TMEM178A: variants seen among roughly 807,000 people sequenced by gnomAD.
TMEM178A encodes the protein transmembrane protein 178.
In TMEM178A, 12 loss-of-function variants were observed where a neutral mutation model predicts 29.1. The ratio of observed to expected loss-of-function variants is 0.41; its 90% confidence interval spans 0.26 to 0.67. TMEM178A has a LOEUF of 0.67. Ranked by LOEUF, TMEM178A falls within the 30% of genes least tolerant of loss-of-function variation. The pLI is 0.29. For synonymous variants in TMEM178A, 210 were observed against 187.2 expected (o/e 1.12, Z -0.99); for missense variants, 366 against 419.1 (o/e 0.87, Z 1.11).
chr2:39,729,914 G>T, the TMEM178A span, among the ~76,000 whole-genome samples: 1 of 152,076 alleles, frequency 6.6e-6, no homozygotes, highest in Admixed American at 6.6e-5. Context: ...GCTCAACAGT[G>T]CATCCTTGGA....
chr2:39,675,998 T>C (rs1670608136), intron 1 of TMEM178A, among the ~76,000 whole-genome samples: 2 of 152,096 alleles, frequency 1.3e-5, no homozygotes, highest in South Asian at 2.1e-4. Flanking sequence ...GTCGACCAGG[T>C]TGGTGTCAAA....
the TMEM178A span, among the ~76,000 whole-genome samples, chr2:39,729,084 A>G: frequency 1.3e-5 from 2 of 152,160 alleles, no homozygotes; most frequent in African/African-American, 2.4e-5. Flanking sequence ...CAGAAAAGGA[A>G]TTCATTAAAA....
downstream of TMEM178A, among the ~76,000 whole-genome samples, chr2:39,720,114 G>T (rs1455000815): frequency 6.6e-6 from 1 of 152,060 alleles, no homozygotes; most frequent in Non-Finnish European, 1.5e-5. Flanking sequence ...ACTAAAATAA[G>T]TTTCTTTTAA....
At chr2:39,709,871 G>C (rs1419996494) in intron 3 of TMEM178A, among the ~76,000 whole-genome samples, 3 of 152,212 alleles carry the variant, frequency 2.0e-5, no homozygotes, top group Non-Finnish European at 4.4e-5. Context: ...GAATAGTTTA[G>C]TATGCTCTTA....
At chr2:39,678,977 G>A (rs752155258) in intron 1 of TMEM178A, among the ~76,000 whole-genome samples, 9 of 152,240 alleles carry the variant, frequency 5.9e-5, no homozygotes, top group Admixed American at 2.6e-4. Context: ...TGAAAGCTTA[G>A]TGCTATTCTT....
intron 3 of TMEM178A, among the ~76,000 whole-genome samples, chr2:39,708,227 C>G (rs1186103520): frequency 6.6e-6 from 1 of 151,862 alleles, no homozygotes; most frequent in Non-Finnish European, 1.5e-5. Flanking sequence ...ACCGCCAGTG[C>G]CAAACCTGAG....
intron 1 of TMEM178A, among the ~76,000 whole-genome samples, chr2:39,682,221 T>C (rs1180621446): frequency 2.0e-5 from 3 of 152,232 alleles, no homozygotes; most frequent in African/African-American, 7.2e-5. Flanking sequence ...CAGTGCATTA[T>C]GCACATGTCT....
At chr2:39,709,418 A>C (rs560432988) in intron 3 of TMEM178A, among the ~76,000 whole-genome samples, 10 of 152,348 alleles carry the variant, frequency 6.6e-5, no homozygotes, top group Admixed American at 3.9e-4. Flanking sequence ...ATTTTGGTGA[A>C]TACACAGTGG....
At position 39,717,679 on chromosome 2, in the gene TMEM178A, A is replaced by G. The variant is rs1259126713; in HGVS notation, c.*428A>G. 4 of 158,820 alleles carry G rather than the reference A, an allele frequency of 2.5e-5. No individual in the cohort carries two copies. Among genetic ancestry groups the G allele is most frequent in the African/African-American group, 7.2e-5 (3 of 41,530 alleles). The allele number at this position is 158,820 out of a possible 1,614,324, so 9.8% of individuals were successfully genotyped here. On this transcript the variant is annotated 3_prime_UTR_variant, in exon 4 of 4. Transcript: ENST00000281961. ...TGTTAAATTTTAATGCAGCATCTTC[A>G]GAACTTGTCCTGATGGTGTCTTATT... is the stretch of plus-strand genomic sequence containing the variant.
the TMEM178A span, among the ~76,000 whole-genome samples, chr2:39,729,038 C>T: frequency 6.6e-6 from 1 of 152,018 alleles, no homozygotes. Flanking sequence ...ACAGCGCCCC[C>T]AGCTGCAATC....
chr2:39,667,417 C>T (rs1572639921), intron 1 of TMEM178A, among the ~76,000 whole-genome samples: 1 of 144,096 alleles, frequency 6.9e-6, no homozygotes, highest in African/African-American at 2.6e-5. Flanking sequence ...ACTTTCAGAA[C>T]TTGACTCAAT....
chr2:39,679,520 C>G (rs1440610684), intron 1 of TMEM178A, among the ~76,000 whole-genome samples: 1 of 151,884 alleles, frequency 6.6e-6, no homozygotes, highest in Non-Finnish European at 1.5e-5. Context: ...GGAGATTTTC[C>G]TCATAAAATG....
intron 1 of TMEM178A, among the ~76,000 whole-genome samples, chr2:39,696,550 G>T (rs1359271056): frequency 6.6e-6 from 1 of 152,116 alleles, no homozygotes; most frequent in East Asian, 1.9e-4. Flanking sequence ...GGGAACCAAG[G>T]CTCAGTGAGC....
At chr2:39,715,003 CT>C (rs1373768177) in intron 3 of TMEM178A, among the ~76,000 whole-genome samples, 1 of 152,136 alleles carries the variant, frequency 6.6e-6, no homozygotes, top group Non-Finnish European at 1.5e-5. Context: ...GTTTCCCACT[CT>C]TTTTTTCCCT....
Position 39,717,481 on chromosome 2 carries a change from C to T in TMEM178A, c.*230C>T, listed in dbSNP as rs986162887. On this transcript the variant is annotated 3_prime_UTR_variant, in exon 4 of 4. Transcript: ENST00000281961. Reference sequence around the variant, plus strand: ...ATGCGTTGACTGTGAGAATAGGGAGCAGTGCCATGGGACATTTCTAGGTGT... The same window carrying T: ...ATGCGTTGACTGTGAGAATAGGGAGTAGTGCCATGGGACATTTCTAGGTGT... The T allele has an allele frequency of 1.3e-5, 6 of 463,688 alleles. No individual in the cohort carries two copies. Among genetic ancestry groups the T allele is most frequent in the Non-Finnish European group, 1.8e-5 (5 of 273,900 alleles). The allele number at this position is 463,688 out of a possible 1,614,324, so 28.7% of individuals were successfully genotyped here. A position where few individuals can be genotyped will look rare whatever the true frequency, so the allele number is the denominator to read the frequency against.
the TMEM178A span, among the ~76,000 whole-genome samples, chr2:39,724,167 G>A: frequency 1.3e-5 from 2 of 152,008 alleles, no homozygotes; most frequent in Non-Finnish European, 2.9e-5. Context: ...AGAAATTCCC[G>A]TGTTACTAGG....
the TMEM178A span, among the ~76,000 whole-genome samples, chr2:39,732,332 G>T: frequency 2.6e-5 from 4 of 152,166 alleles, no homozygotes; most frequent in Non-Finnish European, 5.9e-5. Flanking sequence ...CCATGGCTAT[G>T]AGGGAGGGGT....
rs114639954 is a variant in TMEM178A, at chr2:39,692,628, T to C, written c.401-11453T>C. On this transcript the variant is annotated intron_variant, in intron 1 of 3. Transcript: ENST00000281961. ...GGTCACACTTTACTTGTCCTGCCTA[T>C]AAAGGGGGAGGGGAGAGGGAGTAGA... 5.4e-3 allele frequency among the ~76,000 whole-genome samples: 824 copies of C among 152,126 alleles called. 9 individuals carry two copies. The highest frequency in any genetic ancestry group is 0.019 in the African/African-American group (789 of 41,508).
intron 1 of TMEM178A, among the ~76,000 whole-genome samples, chr2:39,679,113 T>C (rs1352160264): frequency 6.6e-6 from 1 of 152,186 alleles, no homozygotes; most frequent in Non-Finnish European, 1.5e-5. Flanking sequence ...CTTTCTACAT[T>C]GTACTGTATG....
Sources: allele counts gnomAD v4.1 joint callset (sites outside exome capture counted in the v4.1 genomes callset), GRCh38; gene constraint gnomAD v4.1.1; transcripts MANE v1.5; gene names NCBI Gene and HGNC (gene_info 2026-07-23, HGNC 2026-07-21).